ANXA8: variants seen among roughly 807,000 people sequenced by gnomAD.
ANXA8 encodes the protein annexin A8.
Under a neutral mutation model 26.8 loss-of-function variants are expected in ANXA8, and 9 were observed. The observed-to-expected ratio is 0.34, with a 90% confidence interval of 0.20 to 0.59. The LOEUF is 0.59. Among genes scored for constraint, ANXA8 ranks in the 20% least tolerant of loss-of-function variants. The probability of loss-of-function intolerance (pLI) is 0.84; values close to 1 mark genes in which losing one functional copy is unlikely to be tolerated. For synonymous variants in ANXA8, 39 were observed against 94.8 expected (o/e 0.41, Z 3.42); for missense variants, 83 against 238.5 (o/e 0.35, Z 4.29).
chr10:47,551,409 A>G, the ANXA8 span, among the ~76,000 whole-genome samples: 1 of 151,380 alleles, frequency 6.6e-6, no homozygotes, highest in Admixed American at 6.6e-5. Context: ...TTAGTATTAC[A>G]TATTGTAATT....
At chr10:47,486,845 C>T (rs1461857228), upstream of ANXA8, among the ~76,000 whole-genome samples, 284 of 141,994 alleles carry the variant, frequency 2.0e-3, 20 homozygotes, top group African/African-American at 6.8e-3. Flanking sequence ...TGGTGGCCTG[C>T]GCTTGTAGTC....
At chr10:47,946,936 C>T in the ANXA8 span, among the ~76,000 whole-genome samples, 1 of 150,310 alleles carries the variant, frequency 6.7e-6, no homozygotes, top group African/African-American at 2.5e-5. Flanking sequence ...TGTGATCCAC[C>T]CTCCTCGGCT....
At chr10:47,502,636 A>G in the ANXA8 span, 13 of 1,607,452 alleles carry the variant, frequency 8.1e-6, no homozygotes, top group South Asian at 1.1e-4. Flanking sequence ...TTCAATACAC[A>G]TGAGGACTCC....
rs1217321919 is a variant in ANXA8 at position 47,483,950 on chromosome 10, G to A, written c.-17C>T. 71 of 1,611,560 alleles carry A rather than the reference G, an allele frequency of 4.4e-5. No homozygotes were observed. Among genetic ancestry groups the A allele is most frequent in the Non-Finnish European group, 5.7e-5 (67 of 1,179,850 alleles). On this transcript the variant is annotated 5_prime_UTR_variant, in exon 1 of 12. Transcript: ENST00000585281. ...CCAGGCCATCTCTTTCACCTCGGGG[G>A]CACCTTTCCCAGGGAGATGAAGAGA...
chr10:47,649,790 G>A, the ANXA8 span, among the ~76,000 whole-genome samples: 3 of 139,548 alleles, frequency 2.1e-5, no homozygotes, highest in Admixed American at 7.0e-5. Flanking sequence ...GTACAGTGGC[G>A]CCATCATGGC....
At chr10:47,685,232 G>A in the ANXA8 span, among the ~76,000 whole-genome samples, 4 of 151,036 alleles carry the variant, frequency 2.6e-5, no homozygotes, top group Admixed American at 6.6e-5. Flanking sequence ...TGTAATCTCA[G>A]CTACTTGGGA....
At chr10:47,679,635 A>C in the ANXA8 span, among the ~76,000 whole-genome samples, 1 of 151,836 alleles carries the variant, frequency 6.6e-6, no homozygotes, top group Non-Finnish European at 1.5e-5. Context: ...AAACCAAAAA[A>C]AGGCGAGGCA....
At chr10:47,676,492 G>C in the ANXA8 span, among the ~76,000 whole-genome samples, 1 of 151,910 alleles carries the variant, frequency 6.6e-6, no homozygotes, top group African/African-American at 2.4e-5. Context: ...AGTTATGTGA[G>C]AATGGCAACA....
chr10:47,593,064 A>G, the ANXA8 span, among the ~76,000 whole-genome samples: 2 of 141,996 alleles, frequency 1.4e-5, no homozygotes, highest in African/African-American at 2.9e-5. Flanking sequence ...TGGGCTGCAG[A>G]CTCCATACTG....
the ANXA8 span, among the ~76,000 whole-genome samples, chr10:47,584,872 G>A: frequency 7.2e-6 from 1 of 139,210 alleles, no homozygotes; most frequent in African/African-American, 3.0e-5. Flanking sequence ...TGGATCACCT[G>A]AGGTCAGGAG....
At chr10:47,557,447 C>T in the ANXA8 span, among the ~76,000 whole-genome samples, 1 of 150,780 alleles carries the variant, frequency 6.6e-6, no homozygotes, top group African/African-American at 2.5e-5. Context: ...TGCTTCTAAC[C>T]TTCCTCTCCT....
chr10:47,756,500 C>T, the ANXA8 span, among the ~76,000 whole-genome samples: 4 of 141,424 alleles, frequency 2.8e-5, no homozygotes, highest in African/African-American at 5.3e-5. Context: ...AGCCTAGCAC[C>T]GCAAGCCTGT....
the ANXA8 span, among the ~76,000 whole-genome samples, chr10:47,909,697 G>T: frequency 1.8e-5 from 1 of 54,852 alleles, no homozygotes; most frequent in African/African-American, 1.2e-4. Context: ...GCCAAGTTCA[G>T]TTGGACTCAT....
chr10:47,475,330 T>C (rs1236102875), intron 6 of ANXA8, among the ~76,000 whole-genome samples, 163 bp downstream of exon 6: 1 of 151,986 alleles, frequency 6.6e-6, no homozygotes, highest in Admixed American at 6.5e-5. Flanking sequence ...GCTCTGCAGT[T>C]GGGACCCTCT....
the ANXA8 span, among the ~76,000 whole-genome samples, chr10:47,735,613 C>T: frequency 0.014 from 2,077 of 145,288 alleles, no homozygotes; most frequent in Admixed American, 0.02. Flanking sequence ...CTCAAGTGAT[C>T]CATCACCTCA....
the ANXA8 span, among the ~76,000 whole-genome samples, chr10:47,703,289 C>T: frequency 6.6e-6 from 1 of 151,536 alleles, no homozygotes; most frequent in African/African-American, 2.4e-5. Context: ...AATTACTGGC[C>T]ATGCTCAGTG....
chr10:47,566,233 C>T, the ANXA8 span, among the ~76,000 whole-genome samples: 4 of 151,960 alleles, frequency 2.6e-5, no homozygotes, highest in Non-Finnish European at 5.9e-5. Flanking sequence ...GTATTTAAAC[C>T]GAAACACACG....
At chr10:47,527,747 C>T in the ANXA8 span, among the ~76,000 whole-genome samples, 1 of 142,200 alleles carries the variant, frequency 7.0e-6, no homozygotes, top group Non-Finnish European at 1.5e-5. Context: ...GCTTCTCTTC[C>T]CAAGTATTTG....
At chr10:47,614,000 T>G in the ANXA8 span, among the ~76,000 whole-genome samples, 36 of 74,050 alleles carry the variant, frequency 4.9e-4, 8 homozygotes, top group African/African-American at 1.1e-3. Context: ...ATTTCCACAC[T>G]TCTCTCATGG....
Sources: gnomAD v4.1 joint callset for allele counts (sites outside exome capture counted in the v4.1 genomes callset) on GRCh38, gnomAD v4.1.1 for gene constraint, MANE v1.5 for transcripts, NCBI Gene and HGNC (gene_info 2026-07-23, HGNC 2026-07-21) for gene names.